PALLD: variants seen among roughly 807,000 people sequenced by gnomAD.
The protein encoded by PALLD is palladin, cytoskeletal associated protein.
A neutral mutation model predicts 123.5 loss-of-function variants in PALLD; 61 were observed. The observed-to-expected ratio is 0.49, with a 90% CI of 0.40 to 0.61. PALLD has a LOEUF of 0.61. Among genes scored for constraint, PALLD ranks in the 20% least tolerant of loss-of-function variants. The probability of loss-of-function intolerance (pLI) is 0.00; values close to 1 mark genes in which losing one functional copy is unlikely to be tolerated. For missense variants in PALLD, 1,273 were observed against 1,377.0 expected (o/e 0.92, Z 1.20); for synonymous variants, 465 against 496.4 (o/e 0.94, Z 0.84).
intron 10 of PALLD, among the ~76,000 whole-genome samples, chr4:168,713,880 A>T (rs988361982): frequency 1.3e-5 from 2 of 149,652 alleles, no homozygotes; most frequent in African/African-American, 4.9e-5. Context: ...AAAAAGCAGA[A>T]CACCTAACCA....
At chr4:168,582,689 T>C (rs1458552341) in intron 2 of PALLD, among the ~76,000 whole-genome samples, 1 of 152,322 alleles carries the variant, frequency 6.6e-6, no homozygotes, top group Non-Finnish European at 1.5e-5. Context: ...GATCAGATAA[T>C]ATTTATCCCT....
intron 2 of PALLD, among the ~76,000 whole-genome samples, chr4:168,525,580 C>A (rs1763967525): frequency 6.6e-6 from 1 of 152,222 alleles, no homozygotes; most frequent in Non-Finnish European, 1.5e-5. Context: ...CATTTCCAAC[C>A]TAGATGCTAG....
chr4:168,603,008 G>A (rs1488666220), intron 2 of PALLD, among the ~76,000 whole-genome samples: 1 of 152,074 alleles, frequency 6.6e-6, no homozygotes, highest in East Asian at 1.9e-4. Flanking sequence ...GCTCAAGCGA[G>A]CCTCCCACCT....
intron 2 of PALLD, among the ~76,000 whole-genome samples, chr4:168,629,251 T>A (rs1356481266): frequency 6.6e-6 from 1 of 152,064 alleles, no homozygotes; most frequent in Admixed American, 6.6e-5. Context: ...TGACCTCAGG[T>A]GATCCGCCCA....
In PALLD at chr4:168,528,863, G is replaced by A. The variant is rs149194633; in HGVS notation, c.908+16451G>A. ...GGGAACTCTTAGGCATTTTTTTCAC[G>A]TCTGTTATCCTGGAATGAGTAAACT... On this transcript the variant is annotated intron_variant, in intron 2 of 21. Coordinates refer to ENST00000505667, the MANE Select transcript of PALLD (RefSeq NM_001166108.2). Among the ~76,000 whole-genome samples the A allele has an allele frequency of 5.3e-5, 8 of 152,116 alleles. No homozygotes were observed. The East Asian group carries it at 5.8e-4, about 11-fold the overall frequency.
chr4:168,502,747 T>C (rs1761550569), intron 1 of PALLD, among the ~76,000 whole-genome samples: 1 of 151,948 alleles, frequency 6.6e-6, no homozygotes, highest in Non-Finnish European at 1.5e-5. Flanking sequence ...AAAAATATAT[T>C]TTAAAATTTA....
intron 11 of PALLD, 93 bp downstream of exon 11, chr4:168,891,150 C>T: frequency 8.6e-7 from 1 of 1,156,300 alleles, no homozygotes; most frequent in Non-Finnish European, 1.3e-6. Context: ...TATTTGTCCA[C>T]AACATCATCA....
chr4:168,785,481 T>G (rs1487772824), intron 10 of PALLD, among the ~76,000 whole-genome samples: 1 of 152,170 alleles, frequency 6.6e-6, no homozygotes, highest in Non-Finnish European at 1.5e-5. Context: ...CTTTCAGAGT[T>G]AAACCAAAAC....
At chr4:168,583,690 G>C (rs1387220022) in intron 2 of PALLD, among the ~76,000 whole-genome samples, 1 of 152,130 alleles carries the variant, frequency 6.6e-6, no homozygotes, top group Non-Finnish European at 1.5e-5. Flanking sequence ...AAGGCTAATG[G>C]ACTAATGGAC....
At chr4:168,747,302 G>A (rs919933517) in intron 10 of PALLD, among the ~76,000 whole-genome samples, 2 of 152,260 alleles carry the variant, frequency 1.3e-5, no homozygotes, top group African/African-American at 4.8e-5. Flanking sequence ...GGCTGAGGCA[G>A]TAGGCAAGGA....
intron 10 of PALLD, among the ~76,000 whole-genome samples, chr4:168,795,728 G>A (rs1470029955): frequency 7.1e-6 from 1 of 141,624 alleles, no homozygotes; most frequent in East Asian, 2.1e-4. Context: ...TTTTTTTTGA[G>A]ACAGGGCCTT....
chr4:168,620,485 CA>C (rs552112539), intron 2 of PALLD, among the ~76,000 whole-genome samples: 2 of 152,026 alleles, frequency 1.3e-5, no homozygotes, highest in Non-Finnish European at 2.9e-5. Context: ...CTTCATTGGG[CA>C]AAAAACCAGG....
At chr4:168,562,019 T>G (rs184728017) in intron 2 of PALLD, among the ~76,000 whole-genome samples, 1 of 151,762 alleles carries the variant, frequency 6.6e-6, no homozygotes, top group Non-Finnish European at 1.5e-5. Flanking sequence ...TTTATTCTCA[T>G]AACAGCTGGA....
chr4:168,812,794 G>A (rs115265448), intron 10 of PALLD, among the ~76,000 whole-genome samples: 96 of 152,314 alleles, frequency 6.3e-4, no homozygotes, highest in African/African-American at 2.2e-3. Context: ...AATGAAGAGT[G>A]TATGTGTGTC....
intron 10 of PALLD, among the ~76,000 whole-genome samples, chr4:168,835,382 C>T (rs1041889508): frequency 2.0e-5 from 3 of 152,120 alleles, no homozygotes; most frequent in African/African-American, 4.8e-5. Context: ...TTTGAAAGTG[C>T]TCCTGGTACT....
At chr4:168,650,604 C>T (rs1777943203) in intron 2 of PALLD, among the ~76,000 whole-genome samples, 2 of 152,118 alleles carry the variant, frequency 1.3e-5, no homozygotes, top group Admixed American at 1.3e-4. Context: ...AATGAAACTG[C>T]TGGGTCAATT....
chr4:168,696,328 C>T (rs1353188790), intron 8 of PALLD, among the ~76,000 whole-genome samples: 1 of 152,118 alleles, frequency 6.6e-6, no homozygotes, highest in Non-Finnish European at 1.5e-5. Flanking sequence ...AAGGACTCTT[C>T]TCTGGGCAAT....
At position 168,883,435 on chromosome 4, in the gene PALLD, G is replaced by A. The variant is rs984595568; in HGVS notation, c.1965-7487G>A. ...TAGTTACCATCAGATTTCACTGAAT[G>A]TGAGAAGAGTAGAATAAGAGGACTT... On this transcript the variant is annotated intron_variant, in intron 10 of 21. Transcript: ENST00000505667. Among the ~76,000 whole-genome samples, 3 of 152,320 alleles carry A rather than the reference G, an allele frequency of 2.0e-5. No individual in the cohort carries two copies. In the East Asian group the frequency reaches 5.8e-4, roughly 29 times the overall value.
chr4:168,860,183 T>C (rs1749247812), intron 10 of PALLD, among the ~76,000 whole-genome samples: 1 of 152,148 alleles, frequency 6.6e-6, no homozygotes, highest in Admixed American at 6.5e-5. Context: ...TCTTTTCGCG[T>C]CTGAAAACTG....
Sources: allele counts gnomAD v4.1 joint callset (sites outside exome capture counted in the v4.1 genomes callset), GRCh38; gene constraint gnomAD v4.1.1; transcripts MANE v1.5; gene names NCBI Gene and HGNC (gene_info 2026-07-23, HGNC 2026-07-21).